Variants in PAPPA2 observed in about 807,000 individuals in gnomAD.
PAPPA2 encodes the protein pappalysin 2, also known as pappalysin-2.
A neutral mutation model predicts 176.4 loss-of-function variants in PAPPA2; 86 were observed. That is an observed-to-expected ratio of 0.49 (90% CI 0.41 to 0.58). The LOEUF is 0.58. Among genes scored for constraint, PAPPA2 ranks in the 20% least tolerant of loss-of-function variants. The probability of loss-of-function intolerance (pLI) is 0.00; values close to 1 mark genes in which losing one functional copy is unlikely to be tolerated. For synonymous variants in PAPPA2, 809 were observed against 852.2 expected, an observed-to-expected ratio of 0.95 and a Z score of 0.88; for missense variants, 2,073 against 2,256.9, an observed-to-expected ratio of 0.92 and a Z score of 1.65.
chr1:176,590,038 G>T (rs1331743289), intron 2 of PAPPA2, among the ~76,000 whole-genome samples: 1 of 152,220 alleles, frequency 6.6e-6, no homozygotes, highest in Admixed American at 6.5e-5. Flanking sequence ...ATGAAGAAGA[G>T]CAGACCTGGG....
chr1:176,504,698 C>A (rs1245625937), intron 1 of PAPPA2, among the ~76,000 whole-genome samples: 1 of 152,144 alleles, frequency 6.6e-6, no homozygotes, highest in Admixed American at 6.6e-5. Flanking sequence ...TTTGGAAAGA[C>A]TTTATATTCT....
chr1:176,519,695 T>G (rs1182796080), intron 1 of PAPPA2, among the ~76,000 whole-genome samples: 1 of 152,208 alleles, frequency 6.6e-6, no homozygotes, highest in Non-Finnish European at 1.5e-5. Flanking sequence ...GCCTATCACC[T>G]GTCCACATAA....
At chr1:176,821,587 G>A (rs989993219) in intron 21 of PAPPA2, among the ~76,000 whole-genome samples, 2 of 152,166 alleles carry the variant, frequency 1.3e-5, no homozygotes, top group Non-Finnish European at 2.9e-5. Flanking sequence ...CTCCCTCAGG[G>A]ACCTAGGCTT....
In PAPPA2 at chr1:176,556,334, A is replaced by G. The variant is rs750484853; in HGVS notation, c.12A>G (p.Leu4=). MMC[L]KILRISLAIL... The stretch of plus-strand genomic sequence containing the variant: ...GAGCTAGGGGAGGTATGATGTGCTT[A>G]AAGATCCTAAGAATAAGCCTGGCGA... Residue 4 remains leucine, a synonymous_variant, in exon 2 of 23, where the codon TTA becomes TTG. Transcript: ENST00000367662. The G allele has an allele frequency of 5.0e-6, 8 of 1,613,748 alleles. No individual in the cohort carries two copies. Among genetic ancestry groups the G allele is most frequent in the African/African-American group, 1.3e-5 (1 of 74,940 alleles).
At chr1:176,646,035 T>C (rs1381634711) in intron 3 of PAPPA2, among the ~76,000 whole-genome samples, 1 of 151,746 alleles carries the variant, frequency 6.6e-6, no homozygotes, top group African/African-American at 2.4e-5. Context: ...TTTCATTCTA[T>C]GGGTTGTCTT....
At chr1:176,769,982 A>G (rs1332962543) in intron 16 of PAPPA2, among the ~76,000 whole-genome samples, 198 bp downstream of exon 16, 1 of 152,256 alleles carries the variant, frequency 6.6e-6, no homozygotes, top group Non-Finnish European at 1.5e-5. Flanking sequence ...GCACTGGCTC[A>G]GGTTCTAATG....
chr1:176,794,043 C>A (rs538614064), intron 20 of PAPPA2, among the ~76,000 whole-genome samples: 2 of 152,066 alleles, frequency 1.3e-5, no homozygotes, highest in South Asian at 4.2e-4. Flanking sequence ...GAGCGAGACT[C>A]CATCTCAAAA....
At chr1:176,669,430 T>C (rs374669451) in intron 3 of PAPPA2, among the ~76,000 whole-genome samples, 5 of 152,124 alleles carry the variant, frequency 3.3e-5, no homozygotes, top group East Asian at 3.9e-4. Flanking sequence ...TAAAGGAAAT[T>C]ATAGTTATTT....
intron 17 of PAPPA2, among the ~76,000 whole-genome samples, chr1:176,776,598 A>T (rs2102919899): frequency 6.6e-6 from 1 of 152,216 alleles, no homozygotes. Flanking sequence ...AGAGCCTGAG[A>T]TGGGCTGGAG....
At chr1:176,552,531 G>C (rs1046119241) in intron 1 of PAPPA2, among the ~76,000 whole-genome samples, 1 of 149,512 alleles carries the variant, frequency 6.7e-6, no homozygotes, top group Non-Finnish European at 1.5e-5. Context: ...CCTGGTCCTT[G>C]TTTATCTGTA....
chr1:176,634,841 G>C (rs7354991), intron 3 of PAPPA2, among the ~76,000 whole-genome samples: 1,601 of 115,884 alleles, frequency 0.014, 13 homozygotes, highest in Admixed American at 0.024. Context: ...TAGATAGATA[G>C]ATAGATACAT....
chr1:176,536,969 T>C (rs946908004), intron 1 of PAPPA2, among the ~76,000 whole-genome samples: 1 of 152,192 alleles, frequency 6.6e-6, no homozygotes, highest in Admixed American at 6.5e-5. Flanking sequence ...ATTTTGAGAA[T>C]GAGGCCTGAG....
intron 17 of PAPPA2, 44 bp from the exon 18 acceptor site, chr1:176,789,764 TC>T (rs1665092665): frequency 6.4e-7 from 1 of 1,564,428 alleles, no homozygotes; most frequent in Non-Finnish European, 8.7e-7. Flanking sequence ...TTCATGACCT[TC>T]TTGAAAGATT....
At chr1:176,512,074 C>T (rs1458609692) in intron 1 of PAPPA2, among the ~76,000 whole-genome samples, 1 of 151,830 alleles carries the variant, frequency 6.6e-6, no homozygotes, top group African/African-American at 2.4e-5. Context: ...AAGGACCTCC[C>T]CAAAATGGCA....
intron 16 of PAPPA2, among the ~76,000 whole-genome samples, 195 bp from the exon 17 acceptor site, chr1:176,770,772 A>C (rs1038426262): frequency 6.6e-6 from 1 of 152,222 alleles, no homozygotes; most frequent in African/African-American, 2.4e-5. Context: ...ATGTAAGAGC[A>C]TCACACTGGA....
chr1:176,660,645 G>T (rs1658311891), intron 3 of PAPPA2, among the ~76,000 whole-genome samples: 1 of 151,984 alleles, frequency 6.6e-6, no homozygotes, highest in African/African-American at 2.4e-5. Flanking sequence ...TCCTTATAAA[G>T]ATCTCATGAG....
intron 12 of PAPPA2, among the ~76,000 whole-genome samples, chr1:176,726,953 T>C (rs763107673): frequency 6.6e-6 from 1 of 152,206 alleles, no homozygotes; most frequent in African/African-American, 2.4e-5. Flanking sequence ...CGGTTCAAAG[T>C]AGAGTAGTAC....
chr1:176,839,119 CAAGAGTTCTGTGGCCCA>C (rs1377562150), intron 21 of PAPPA2, among the ~76,000 whole-genome samples: 1 of 152,132 alleles, frequency 6.6e-6, no homozygotes, highest in East Asian at 1.9e-4. Context: ...CTTCAGAACT[CAAGAGTTCTGTGGCCCA>C]AAGAATTTGA....
chr1:176,466,404 C>T (rs1280598227), intron 1 of PAPPA2, among the ~76,000 whole-genome samples: 2 of 152,044 alleles, frequency 1.3e-5, no homozygotes, highest in African/African-American at 2.4e-5. Context: ...AGGGTCCTTC[C>T]AATTCTAATT....
Sources: allele counts gnomAD v4.1 joint callset (sites outside exome capture counted in the v4.1 genomes callset), GRCh38; gene constraint gnomAD v4.1.1; transcripts MANE v1.5; gene names NCBI Gene and HGNC (gene_info 2026-07-23, HGNC 2026-07-21).